Variants in PRKN observed in about 807,000 individuals in gnomAD.
PRKN encodes E3 ubiquitin-protein ligase parkin.
A neutral mutation model predicts 59.5 loss-of-function variants in PRKN; 56 were observed. The ratio of observed to expected loss-of-function variants is 0.94; its 90% CI spans 0.76 to 1.18. The LOEUF (loss-of-function observed/expected upper bound fraction) is 1.18, where lower values mean the gene tolerates loss of function less well. Ranked by LOEUF, PRKN falls within the 50% of genes most tolerant of loss-of-function variation. The probability of loss-of-function intolerance (pLI) is 0.00; values close to 1 mark genes in which losing one functional copy is unlikely to be tolerated. For missense variants in PRKN, 657 were observed against 596.4 expected, an observed-to-expected ratio of 1.10 and a Z score of -1.06; for synonymous variants, 250 against 222.1, an observed-to-expected ratio of 1.13 and a Z score of -1.12.
intron 1 of PRKN, among the ~76,000 whole-genome samples, chr6:162,686,814 C>T (rs1423547358): frequency 6.6e-6 from 1 of 152,144 alleles, no homozygotes; most frequent in Non-Finnish European, 1.5e-5. Context: ...CAAAGATCAG[C>T]TGGCACTCCG....
At chr6:161,418,474 T>C (rs966682026) in intron 9 of PRKN, among the ~76,000 whole-genome samples, 4 of 152,222 alleles carry the variant, frequency 2.6e-5, no homozygotes, top group Non-Finnish European at 5.9e-5. Context: ...TGTTGGTTCT[T>C]TGCTCTTTGA....
chr6:162,339,365 G>T (rs1394047811), intron 2 of PRKN, among the ~76,000 whole-genome samples: 5 of 145,858 alleles, frequency 3.4e-5, no homozygotes, highest in African/African-American at 1.3e-4. Flanking sequence ...CGCCCGGCCA[G>T]CCGCCCCGTC....
intron 2 of PRKN, among the ~76,000 whole-genome samples, chr6:162,308,566 T>A (rs1782338418): frequency 6.6e-6 from 1 of 152,224 alleles, no homozygotes; most frequent in African/African-American, 2.4e-5. Flanking sequence ...TCTTTCTGTT[T>A]TGATATTAGT....
chr6:161,974,884 T>G (rs1780965377), intron 5 of PRKN, among the ~76,000 whole-genome samples: 1 of 152,166 alleles, frequency 6.6e-6, no homozygotes, highest in Admixed American at 6.6e-5. Flanking sequence ...GTCACACTTC[T>G]CAACTTGGCC....
intron 1 of PRKN, among the ~76,000 whole-genome samples, chr6:162,545,050 G>A (rs1320090150): frequency 6.6e-6 from 1 of 151,238 alleles, no homozygotes; most frequent in African/African-American, 2.4e-5. Context: ...ACTTTGGGAG[G>A]CTGAGGTGGA....
intron 6 of PRKN, among the ~76,000 whole-genome samples, chr6:161,817,774 G>A (rs149807389): frequency 1.1e-3 from 175 of 152,242 alleles, no homozygotes; most frequent in Non-Finnish European, 2.2e-3. Context: ...ACATGATCAC[G>A]AATGACAACG....
chr6:162,478,329 G>A (rs1792126835), intron 1 of PRKN, among the ~76,000 whole-genome samples: 1 of 152,132 alleles, frequency 6.6e-6, no homozygotes, highest in East Asian at 1.9e-4. Context: ...GATTTCTAAT[G>A]TTGTTGTGGC....
intron 9 of PRKN, among the ~76,000 whole-genome samples, chr6:161,513,762 G>A (rs964853519): frequency 2.6e-5 from 4 of 151,992 alleles, no homozygotes; most frequent in Admixed American, 6.6e-5. Context: ...ATGAGAAGGC[G>A]GGGAAAGCAC....
intron 1 of PRKN, among the ~76,000 whole-genome samples, chr6:162,641,073 G>A (rs950139551): frequency 6.6e-6 from 1 of 152,038 alleles, no homozygotes; most frequent in African/African-American, 2.4e-5. Context: ...AATTTCCAGG[G>A]TCTTCTCAAA....
intron 5 of PRKN, among the ~76,000 whole-genome samples, chr6:162,034,186 TAGAGAGAG>T (rs71643580): frequency 4.4e-4 from 59 of 133,296 alleles, no homozygotes; most frequent in Middle Eastern, 3.9e-3. Flanking sequence ...TATATATATA[TAGAGAGAG>T]AGAGAGAGAG....
At chr6:161,441,415 C>T (rs540673458) in intron 9 of PRKN, among the ~76,000 whole-genome samples, 7 of 152,140 alleles carry the variant, frequency 4.6e-5, no homozygotes, top group South Asian at 4.1e-4. Flanking sequence ...GAGGCCAAGG[C>T]GGGCGGATCA....
In PRKN at chr6:161,405,743, C is replaced by T. The variant is rs898145032; in HGVS notation, c.1084-18866G>A. Among the ~76,000 whole-genome samples, 22 of 152,042 alleles carry T rather than the reference C, an allele frequency of 1.4e-4. No homozygotes were observed. Among genetic ancestry groups the T allele is most frequent in the Non-Finnish European group, 2.2e-4 (15 of 68,022 alleles). On this transcript the variant is annotated intron_variant, in intron 9 of 11. Transcript: ENST00000366898. This position sits in a 1 kb window ranked among gnomAD's most constrained non-coding sequence, Gnocchi z 5.1. Reference sequence around the variant, plus strand: ...ATGAGTGCTCACAGCCAGGCAGGCTCGTGTTCCAAGTCTCGTACCCGTTGG... The same window carrying T: ...ATGAGTGCTCACAGCCAGGCAGGCTTGTGTTCCAAGTCTCGTACCCGTTGG...
intron 6 of PRKN, among the ~76,000 whole-genome samples, chr6:161,907,129 T>C (rs1209732729): frequency 6.6e-6 from 1 of 152,192 alleles, no homozygotes. Context: ...TCCTCTGAGA[T>C]GTGAAATTTT....
chr6:162,359,079 A>AAAAAAAAAAAAAAAAATATATATATATAT (rs57265104), intron 2 of PRKN, among the ~76,000 whole-genome samples: 1 of 83,272 alleles, frequency 1.2e-5, no homozygotes, highest in African/African-American at 7.3e-5. Flanking sequence ...AAAAAAAAAA[A>AAAAAAAAAAAAAAAAATATATATATATAT]ATATATATAT....
rs1330352594 is a variant in PRKN, at chr6:161,359,894, A to G, written c.1285+194T>C. On this transcript the variant is annotated intron_variant, in intron 11 of 11. Coordinates refer to ENST00000366898, the MANE Select transcript of PRKN (RefSeq NM_004562.3). This position sits in a 1 kb window ranked among gnomAD's most constrained non-coding sequence, Gnocchi z 5.4. ...ACTGTGTGCCTCACATAGCCATGGAACTACTCACTCATTAAATATTTCTGT... is the reference window on the plus strand; with the variant it reads ...ACTGTGTGCCTCACATAGCCATGGAGCTACTCACTCATTAAATATTTCTGT... Among the ~76,000 whole-genome samples the G allele has an allele frequency of 6.6e-6, 1 of 152,202 alleles. No individual in the cohort carries two copies. Among genetic ancestry groups the G allele is most frequent in the Non-Finnish European group, 1.5e-5 (1 of 68,040 alleles).
intron 2 of PRKN, among the ~76,000 whole-genome samples, chr6:162,431,270 G>A (rs1202631543): frequency 6.6e-6 from 1 of 152,030 alleles, no homozygotes; most frequent in East Asian, 1.9e-4. Context: ...TTGAGAATGC[G>A]GCAGAGAGAG....
In PRKN at chr6:161,409,095, A is replaced by G. The variant is rs1463901653; in HGVS notation, c.1084-22218T>C. Among the ~76,000 whole-genome samples, 6 of 152,084 alleles carry G rather than the reference A, an allele frequency of 3.9e-5. No homozygotes were observed. The East Asian group carries it at 1.2e-3, about 29-fold the overall frequency. On this transcript the variant is annotated intron_variant, in intron 9 of 11. Coordinates refer to ENST00000366898, the MANE Select transcript of PRKN (RefSeq NM_004562.3). This position sits in a 1 kb window ranked among gnomAD's most constrained non-coding sequence, Gnocchi z 4.6. ...CAAGTAACTAGGACTACAGGCTCCC[A>G]TCACCATGCCCAGCTAATTTTTGTA...
In PRKN at chr6:162,563,663, G is replaced by A. The variant is rs1046783921; in HGVS notation, c.8-120190C>T. 1.9e-4 allele frequency among the ~76,000 whole-genome samples: 29 copies of A among 152,264 alleles called. 1 individual carries two copies. In the East Asian group the frequency reaches 5.2e-3, roughly 27 times the overall value. On this transcript the variant is annotated intron_variant, in intron 1 of 11. Transcript: ENST00000366898. The stretch of plus-strand genomic sequence containing the variant: ...CCAGGAAAACATGATCTCATCAAAT[G>A]AACTAAATAAGGCACCAGGGACCAA...
chr6:162,679,605 C>G (rs1779693005), intron 1 of PRKN, among the ~76,000 whole-genome samples: 1 of 152,110 alleles, frequency 6.6e-6, no homozygotes. Flanking sequence ...TATGTCTTAA[C>G]TGACATATTA....
Sources: gnomAD v4.1 joint callset for allele counts (sites outside exome capture counted in the v4.1 genomes callset) on GRCh38, gnomAD v4.1.1 for gene constraint, Gnocchi (gnomAD v3.1) non-coding constraint, MANE v1.5 for transcripts, NCBI Gene and HGNC (gene_info 2026-07-23, HGNC 2026-07-21) for gene names.